PFKP: variants seen among roughly 807,000 people sequenced by gnomAD.
PFKP encodes phosphofructokinase, platelet, also known as ATP-dependent 6-phosphofructokinase, platelet type.
A neutral mutation model predicts 94.3 loss-of-function variants in PFKP; 101 were observed. That is an observed-to-expected ratio of 1.07 (90% CI 0.91 to 1.26). The LOEUF (loss-of-function observed/expected upper bound fraction) is 1.26. Ranked by LOEUF, PFKP falls within the 50% of genes most tolerant of loss-of-function variation. PFKP has a pLI of 0.00. For missense variants in PFKP, 1,145 were observed against 1,103.3 expected (o/e 1.04, Z -0.53); for synonymous variants, 573 against 432.6 (o/e 1.32, Z -4.03).
At chr10:3,084,232 G>T (rs1046090958) in intron 2 of PFKP, among the ~76,000 whole-genome samples, 1 of 152,178 alleles carries the variant, frequency 6.6e-6, no homozygotes, top group South Asian at 2.1e-4. Context: ...GTCCAGCCTC[G>T]TCCCAGCCCC....
At chr10:3,098,787 A>T (rs1834719294) in intron 2 of PFKP, among the ~76,000 whole-genome samples, 1 of 152,162 alleles carries the variant, frequency 6.6e-6, no homozygotes, top group Non-Finnish European at 1.5e-5. Flanking sequence ...GGTAAGGCAG[A>T]CAATTATTAT....
At position 3,133,855 on chromosome 10, in the gene PFKP, T is replaced by C. The variant is rs567075780; in HGVS notation, c.2022+541T>C. Among the ~76,000 whole-genome samples the C allele has an allele frequency of 3.9e-5, 6 of 152,328 alleles. No homozygotes were observed. In the South Asian group the frequency reaches 1.2e-3, roughly 32 times the overall value. ...TTCATGAAAACAGTGATACCCCCAT[T>C]ACTTGGAAATGCTTATTCAAATTAA... On this transcript the variant is annotated intron_variant, in intron 19 of 21. Coordinates refer to ENST00000381125, the MANE Select transcript of PFKP (RefSeq NM_002627.5).
At chr10:3,130,859 A>G (rs1263170050) in intron 17 of PFKP, among the ~76,000 whole-genome samples, 1 of 152,138 alleles carries the variant, frequency 6.6e-6, no homozygotes, top group Non-Finnish European at 1.5e-5. Context: ...GCCCAGCACC[A>G]TTGTCTTTTA....
At chr10:3,070,900 T>C (rs1832131656) in intron 1 of PFKP, among the ~76,000 whole-genome samples, 2 of 139,992 alleles carry the variant, frequency 1.4e-5, no homozygotes, top group Non-Finnish European at 3.3e-5. Flanking sequence ...GACCAGCTAA[T>C]TATTATTATT....
intron 10 of PFKP, among the ~76,000 whole-genome samples, chr10:3,109,846 TC>T (rs1835993635): frequency 6.6e-6 from 1 of 150,566 alleles, no homozygotes; most frequent in Admixed American, 6.6e-5. Flanking sequence ...GAGAGAGAGA[TC>T]CGTGGACAGA....
At chr10:3,101,299 G>A in intron 3 of PFKP, 66 bp from the exon 4 acceptor site, 1 of 1,328,358 alleles carries the variant, frequency 7.5e-7, no homozygotes, top group Non-Finnish European at 1.0e-6. Context: ...TAGTCGGCCT[G>A]TGTGTGCCAT....
chr10:3,086,045 G>A (rs1028952759), intron 2 of PFKP, among the ~76,000 whole-genome samples: 5 of 152,072 alleles, frequency 3.3e-5, no homozygotes, highest in African/African-American at 4.8e-5. Flanking sequence ...TACCACACCC[G>A]TCCTGAGAGC....
At chr10:3,115,633 G>A (rs1299433669) in intron 13 of PFKP, among the ~76,000 whole-genome samples, 4 of 152,186 alleles carry the variant, frequency 2.6e-5, no homozygotes, top group South Asian at 2.1e-4. Flanking sequence ...GCAGTAAGCC[G>A]CTGTGTCCCA....
chr10:3,136,129 T>C (rs1008814171), intron 21 of PFKP, among the ~76,000 whole-genome samples: 3 of 152,072 alleles, frequency 2.0e-5, no homozygotes, highest in Admixed American at 1.3e-4. Flanking sequence ...CCAGGCATGG[T>C]GATGCACACC....
At chr10:3,099,640 G>A (rs1201036779) in intron 3 of PFKP, among the ~76,000 whole-genome samples, 3 of 152,236 alleles carry the variant, frequency 2.0e-5, no homozygotes, top group Non-Finnish European at 4.4e-5. Flanking sequence ...TCTGCATTGG[G>A]CGCCTCCTGA....
At chr10:3,088,603 G>A (rs1229815869) in intron 2 of PFKP, among the ~76,000 whole-genome samples, 1 of 152,154 alleles carries the variant, frequency 6.6e-6, no homozygotes, top group Non-Finnish European at 1.5e-5. Context: ...AGGGCCCAGA[G>A]TATGGGTGCA....
At chr10:3,111,627 G>T (rs754158240) in intron 10 of PFKP, among the ~76,000 whole-genome samples, 2 of 152,066 alleles carry the variant, frequency 1.3e-5, no homozygotes, top group South Asian at 4.1e-4. Context: ...CTGGAAGTAG[G>T]AGTATTTTTC....
chr10:3,113,343 C>T (rs1588505327), intron 12 of PFKP, 29 bp from the exon 13 acceptor site: 1 of 1,574,936 alleles, frequency 6.3e-7, no homozygotes, highest in Non-Finnish European at 8.6e-7. Flanking sequence ...TGCCCGTGAC[C>T]CAGCACTCAC....
chr10:3,100,382 T>G (rs1235693880), intron 3 of PFKP, among the ~76,000 whole-genome samples: 1 of 152,022 alleles, frequency 6.6e-6, no homozygotes, highest in Admixed American at 6.6e-5. Context: ...TGAATTTCAG[T>G]TTTTGTAACC....
intron 1 of PFKP, among the ~76,000 whole-genome samples, chr10:3,072,457 TA>T (rs1832269806): frequency 6.6e-6 from 1 of 152,212 alleles, no homozygotes; most frequent in African/African-American, 2.4e-5. Context: ...CCTGTGTACA[TA>T]CATTATTTGA....
Position 3,120,044 on chromosome 10 carries a change from CG to C in PFKP, c.1683+1del. On this transcript the variant is annotated splice_donor_variant, in intron 16 of 21. Transcript: ENST00000381125. LOFTEE classifies it high-confidence loss of function. Reference sequence around the variant, plus strand: ...ACACCGCCCTGAACACTATCACCGACGTAAGTCCGTGTGCGCCCTGCCAGGC... The same window carrying C: ...ACACCGCCCTGAACACTATCACCGACTAAGTCCGTGTGCGCCCTGCCAGGC... The C allele has an allele frequency of 1.2e-6, 2 of 1,613,878 alleles. No individual in the cohort carries two copies. Among genetic ancestry groups the C allele is most frequent in the Non-Finnish European group, 1.7e-6 (2 of 1,179,970 alleles).
chr10:3,111,476 C>T (rs547416184), intron 10 of PFKP, among the ~76,000 whole-genome samples: 7 of 152,168 alleles, frequency 4.6e-5, no homozygotes, highest in East Asian at 1.9e-4. Flanking sequence ...TAGAGACGAC[C>T]GTGGTAGGTG....
At chr10:3,092,691 G>GA (rs1834137469) in intron 2 of PFKP, among the ~76,000 whole-genome samples, 5 of 151,930 alleles carry the variant, frequency 3.3e-5, no homozygotes, top group African/African-American at 1.2e-4. Context: ...AAAATATGGG[G>GA]GAAAAAAACC....
intron 1 of PFKP, among the ~76,000 whole-genome samples, chr10:3,080,417 T>C (rs1329488344): frequency 5.4e-5 from 8 of 147,328 alleles, no homozygotes; most frequent in African/African-American, 2.0e-4. Flanking sequence ...CTCAGGAGGC[T>C]GAGGCAGGAG....
Sources: gnomAD v4.1 joint callset for allele counts (sites outside exome capture counted in the v4.1 genomes callset) on GRCh38, gnomAD v4.1.1 for gene constraint, MANE v1.5 for transcripts, NCBI Gene and HGNC (gene_info 2026-07-23, HGNC 2026-07-21) for gene names.